Variants in RPTOR observed in about 807,000 individuals in gnomAD.
RPTOR encodes the protein regulatory associated protein of MTOR complex 1.
In RPTOR, 21 loss-of-function variants were observed where a neutral mutation model predicts 169.9. The ratio of observed to expected loss-of-function variants is 0.12; its 90% CI spans 0.09 to 0.18. RPTOR has a LOEUF of 0.18. Among genes scored for constraint, RPTOR ranks in the 10% least tolerant of loss-of-function variants. The pLI, the probability that RPTOR is intolerant of heterozygous loss-of-function variation, is 1.00. For synonymous variants in RPTOR, 732 were observed against 753.2 expected (o/e 0.97, Z 0.46); for missense variants, 1,133 against 1,855.9 (o/e 0.61, Z 7.16).
At chr17:80,811,186 A>C (rs758299879) in intron 7 of RPTOR, among the ~76,000 whole-genome samples, 5 of 152,206 alleles carry the variant, frequency 3.3e-5, no homozygotes, top group Non-Finnish European at 5.9e-5. Context: ...GGAACATTTT[A>C]TCTAAATCTA....
rs138715067 is a variant in RPTOR, at chr17:80,609,935, C to T, written c.163-15756C>T. ...GCCAGGGTGTAGATAGCACATTCCC[C>T]TGCAGTGCCTGCTGGGTCCTGGAAC... is the stretch of plus-strand genomic sequence containing the variant. On this transcript the variant is annotated intron_variant, in intron 1 of 33. Transcript: ENST00000306801. The surrounding 1 kb of genome is among the most constrained non-coding windows in gnomAD (Gnocchi z 4.8). Among the ~76,000 whole-genome samples, 518 of 152,216 alleles carry T rather than the reference C, an allele frequency of 3.4e-3. 1 individual carries two copies. The highest frequency in any genetic ancestry group is 0.012 in the African/African-American group (494 of 41,538).
chr17:80,764,400 G>C (rs2066766445), intron 6 of RPTOR, among the ~76,000 whole-genome samples: 1 of 148,268 alleles, frequency 6.7e-6, no homozygotes, highest in South Asian at 2.1e-4. Flanking sequence ...CTATGAGTGA[G>C]AACATGCAGT....
At chr17:80,833,913 C>T (rs1475885857) in intron 9 of RPTOR, among the ~76,000 whole-genome samples, 6 of 152,198 alleles carry the variant, frequency 3.9e-5, no homozygotes. Flanking sequence ...CACTTGAACC[C>T]GGGAGGCGGA....
chr17:80,958,239 C>T (rs1598425633), intron 29 of RPTOR, among the ~76,000 whole-genome samples: 1 of 143,368 alleles, frequency 7.0e-6, no homozygotes, highest in Non-Finnish European at 1.5e-5. Flanking sequence ...TACAGGCATG[C>T]ACCCACACGC....
intron 24 of RPTOR, among the ~76,000 whole-genome samples, chr17:80,926,996 T>C (rs2068818716): frequency 6.6e-6 from 1 of 152,212 alleles, no homozygotes; most frequent in African/African-American, 2.4e-5. Context: ...TCACCGCTGC[T>C]TACCTGCGGG....
In RPTOR at chr17:80,664,163, G is replaced by A. The variant is rs918426248; in HGVS notation, c.348+20353G>A. Among the ~76,000 whole-genome samples, 7 of 152,278 alleles carry A rather than the reference G, an allele frequency of 4.6e-5. No individual in the cohort carries two copies. The East Asian group carries it at 5.8e-4, about 13-fold the overall frequency. On this transcript the variant is annotated intron_variant, in intron 3 of 33. Transcript: ENST00000306801. ...GTGCAAACCATCTTGGCTGTGGAGC[G>A]CCCTGTTGCCTGGAAGGTCTGCCTT...
intron 4 of RPTOR, among the ~76,000 whole-genome samples, chr17:80,717,713 G>C (rs2066251446): frequency 6.6e-6 from 1 of 152,220 alleles, no homozygotes; most frequent in Admixed American, 6.5e-5. Flanking sequence ...AAACATGCTA[G>C]TTTTAACTAT....
Position 80,639,330 on chromosome 17 carries a change from T to A in RPTOR, c.266-4398T>A, listed in dbSNP as rs115887945. On this transcript the variant is annotated intron_variant, in intron 2 of 33. Coordinates refer to ENST00000306801, the MANE Select transcript of RPTOR (RefSeq NM_020761.3). ...CTGCTAAATACACGGTACAAAGAAC[T>A]ACAAAGATTGTCCGAGCAGTGAGTG... 2.9e-3 allele frequency among the ~76,000 whole-genome samples: 441 copies of A among 151,770 alleles called. 2 individuals carry two copies. The highest frequency in any genetic ancestry group is 9.8e-3 in the African/African-American group (406 of 41,374).
At chr17:80,777,379 A>G (rs2066901646) in intron 6 of RPTOR, among the ~76,000 whole-genome samples, 1 of 152,162 alleles carries the variant, frequency 6.6e-6, no homozygotes, top group Non-Finnish European at 1.5e-5. Flanking sequence ...ATGTGGTTGA[A>G]AACTATTAAA....
At position 80,646,557 on chromosome 17, in the gene RPTOR, G is replaced by C. The variant is rs9912277; in HGVS notation, c.348+2747G>C. ...GCACTTAGCAAACTCAGATGTTTGT[G>C]TGCAAGGGGCCTGGTTCCTGACTGT... On this transcript the variant is annotated intron_variant, in intron 3 of 33. Coordinates refer to ENST00000306801, the MANE Select transcript of RPTOR (RefSeq NM_020761.3). The surrounding 1 kb of genome is among the most constrained non-coding windows in gnomAD (Gnocchi z 5.0). Among the ~76,000 whole-genome samples, 9,857 of 152,190 alleles carry C rather than the reference G, an allele frequency of 0.065. 1,060 individuals are homozygous for C. The highest frequency in any genetic ancestry group is 0.23 in the African/African-American group (9,382 of 41,472).
In RPTOR at chr17:80,861,770, T is replaced by C. The variant is rs2067919283; in HGVS notation, c.1509+3870T>C. 6.6e-6 allele frequency among the ~76,000 whole-genome samples: 1 copy of C among 152,192 alleles called. No individual in the cohort carries two copies. Among genetic ancestry groups the C allele is most frequent in the South Asian group, 2.1e-4 (1 of 4,830 alleles). The stretch of plus-strand genomic sequence containing the variant: ...CTGCAGGAACGTGTCTAAGCCAACT[T>C]TGATTCTCAGACTTCGTGTTTTTAG... On this transcript the variant is annotated intron_variant, in intron 13 of 33. Coordinates refer to ENST00000306801, the MANE Select transcript of RPTOR (RefSeq NM_020761.3). The surrounding 1 kb of genome is among the most constrained non-coding windows in gnomAD (Gnocchi z 4.5).
intron 1 of RPTOR, among the ~76,000 whole-genome samples, chr17:80,554,924 AT>A (rs1253855532): frequency 6.6e-6 from 1 of 152,212 alleles, no homozygotes; most frequent in Non-Finnish European, 1.5e-5. Flanking sequence ...AATGTTATTT[AT>A]TTGAATATAT....
intron 3 of RPTOR, among the ~76,000 whole-genome samples, chr17:80,676,327 A>G (rs1485323685): frequency 6.6e-6 from 1 of 152,200 alleles, no homozygotes; most frequent in Non-Finnish European, 1.5e-5. Flanking sequence ...CACTGTGTAG[A>G]TGGAGTCACC....
At chr17:80,843,768 C>T (rs1434870272) in intron 10 of RPTOR, among the ~76,000 whole-genome samples, 5 of 152,170 alleles carry the variant, frequency 3.3e-5, no homozygotes, top group Non-Finnish European at 7.3e-5. Flanking sequence ...CAGGTATGCT[C>T]AGGTTGTTGG....
intron 6 of RPTOR, among the ~76,000 whole-genome samples, chr17:80,776,130 T>G (rs2066889594): frequency 6.6e-6 from 1 of 152,090 alleles, no homozygotes; most frequent in East Asian, 1.9e-4. Flanking sequence ...GCCCAACAGT[T>G]TAAAGTTATG....
At position 80,698,844 on chromosome 17, in the gene RPTOR, G is replaced by C. The variant is rs566250273; in HGVS notation, c.349-8997G>C. Among the ~76,000 whole-genome samples the C allele has an allele frequency of 7.9e-5, 12 of 152,342 alleles. No individual in the cohort carries two copies. In the South Asian group the frequency reaches 2.5e-3, roughly 32 times the overall value. On this transcript the variant is annotated intron_variant, in intron 3 of 33. Coordinates refer to ENST00000306801, the MANE Select transcript of RPTOR (RefSeq NM_020761.3). ...CGGCCCTCACCTGACTAGTGGTGCA[G>C]CTCTTCAGGGGGTAGTGCCCATCCA...
At chr17:80,937,020 A>G (rs2068963095) in intron 24 of RPTOR, among the ~76,000 whole-genome samples, 1 of 152,138 alleles carries the variant, frequency 6.6e-6, no homozygotes, top group South Asian at 2.1e-4. Context: ...GCCTCTGTCC[A>G]CGGAGGGGAC....
intron 6 of RPTOR, among the ~76,000 whole-genome samples, chr17:80,761,599 G>A (rs73362896): frequency 1.1e-4 from 16 of 152,288 alleles, no homozygotes; most frequent in African/African-American, 7.2e-5. Context: ...CATTTGCTTC[G>A]TATTTTTTCC....
intron 1 of RPTOR, among the ~76,000 whole-genome samples, chr17:80,576,653 G>A (rs1467657186): frequency 6.6e-6 from 1 of 152,172 alleles, no homozygotes; most frequent in South Asian, 2.1e-4. Flanking sequence ...TCTCATGACG[G>A]TCTACTGATG....
Sources: gnomAD v4.1 joint callset for allele counts (sites outside exome capture counted in the v4.1 genomes callset) on GRCh38, gnomAD v4.1.1 for gene constraint, Gnocchi (gnomAD v3.1) non-coding constraint, MANE v1.5 for transcripts, NCBI Gene and HGNC (gene_info 2026-07-23, HGNC 2026-07-21) for gene names.